The following CMTM4 variants were observed in gnomAD, a reference collection of about 807,000 sequenced individuals.
CMTM4 encodes the protein CKLF-like MARVEL transmembrane domain-containing protein 4.
In CMTM4, 8 loss-of-function variants were observed where a neutral mutation model predicts 19.0. That is an observed-to-expected ratio of 0.42 (90% CI 0.25 to 0.76). CMTM4 has a LOEUF of 0.76. CMTM4 is among the 30% of genes least tolerant of loss of function. The probability of loss-of-function intolerance (pLI) is 0.27; values close to 1 mark genes in which losing one functional copy is unlikely to be tolerated. For synonymous variants in CMTM4, 106 were observed against 121.1 expected (o/e 0.88, Z 0.82); for missense variants, 228 against 290.2 (o/e 0.79, Z 1.56).
the CMTM4 span, among the ~76,000 whole-genome samples, chr16:66,599,401 T>C: frequency 6.6e-6 from 1 of 151,944 alleles, no homozygotes; most frequent in African/African-American, 2.4e-5. Context: ...TTTCTCAACA[T>C]AAGCTCCACC....
At chr16:66,661,368 G>A (rs2016496190) in intron 1 of CMTM4, among the ~76,000 whole-genome samples, 1 of 152,170 alleles carries the variant, frequency 6.6e-6, no homozygotes, top group South Asian at 2.1e-4. Context: ...AGTGAAAACA[G>A]ACCTGGTGAT....
rs539315726 is a variant in CMTM4, at chr16:66,688,146, C to A, written c.186+8194G>T. On this transcript the variant is annotated intron_variant, in intron 1 of 3. Coordinates refer to ENST00000394106, the MANE Select transcript of CMTM4 (RefSeq NM_181521.3). Reference sequence around the variant, plus strand: ...ACATGGCAGAATGAGCAAGGACACTCCCTTCAAACTCTTTTAAAAGGGCAC... The same window carrying A: ...ACATGGCAGAATGAGCAAGGACACTACCTTCAAACTCTTTTAAAAGGGCAC... Among the ~76,000 whole-genome samples the A allele has an allele frequency of 2.0e-5, 3 of 152,180 alleles. No individual in the cohort carries two copies. In the East Asian group the frequency reaches 5.8e-4, roughly 29 times the overall value.
At chr16:66,672,152 C>T (rs938651329) in intron 1 of CMTM4, among the ~76,000 whole-genome samples, 5 of 152,006 alleles carry the variant, frequency 3.3e-5, no homozygotes, top group African/African-American at 4.8e-5. Flanking sequence ...TGCCTCATGC[C>T]TGAAATCCCA....
intron 2 of CMTM4, among the ~76,000 whole-genome samples, chr16:66,635,471 G>A (rs2015973324): frequency 6.6e-6 from 1 of 152,202 alleles, no homozygotes; most frequent in East Asian, 1.9e-4. Flanking sequence ...ACAGGGAGGT[G>A]GCAGCTCCAG....
intron 1 of CMTM4, among the ~76,000 whole-genome samples, chr16:66,650,381 G>A (rs747392998): frequency 1.3e-5 from 2 of 152,142 alleles, no homozygotes; most frequent in African/African-American, 4.8e-5. Context: ...GCAAACCATC[G>A]TTCGGGTTTA....
Position 66,617,821 on chromosome 16 carries a change from G to A in CMTM4, c.*4237C>T, listed in dbSNP as rs575616540. 3 of 993,222 alleles carry A rather than the reference G, an allele frequency of 3.0e-6. No individual in the cohort carries two copies. The Admixed American group carries it at 1.8e-4, about 58-fold the overall frequency. 61.5% of individuals were successfully genotyped at this position (993,222 alleles called of 1,614,324 possible). ...CACATGTTCCTGAGCCAGATGCCAG[G>A]AGCTCACCCACAGGACGGGAAAGAC... On this transcript the variant is annotated 3_prime_UTR_variant, in exon 4 of 4. Coordinates refer to ENST00000394106, the MANE Select transcript of CMTM4 (RefSeq NM_181521.3).
At chr16:66,681,412 G>A (rs546699182) in intron 1 of CMTM4, among the ~76,000 whole-genome samples, 35 of 151,898 alleles carry the variant, frequency 2.3e-4, no homozygotes, top group African/African-American at 8.5e-4. Flanking sequence ...CACCTCCCGG[G>A]TTCATGCCAT....
downstream of CMTM4, among the ~76,000 whole-genome samples, chr16:66,611,942 T>C (rs1269647982): frequency 6.6e-6 from 1 of 151,792 alleles, no homozygotes; most frequent in East Asian, 1.9e-4. Flanking sequence ...CCTCACCTTG[T>C]CCTGCTGAAC....
At chr16:66,686,546 C>A (rs1349199285) in intron 1 of CMTM4, among the ~76,000 whole-genome samples, 1,413 of 86,198 alleles carry the variant, frequency 0.016, no homozygotes, top group African/African-American at 0.02. Flanking sequence ...GACTCTGTCT[C>A]AAAAAAAAAA....
the CMTM4 span, among the ~76,000 whole-genome samples, chr16:66,607,988 G>A: frequency 6.6e-6 from 1 of 152,126 alleles, no homozygotes; most frequent in African/African-American, 2.4e-5. Context: ...TGGGATTTCA[G>A]GCACACACCA....
chr16:66,685,795 C>T (rs2017019996), intron 1 of CMTM4, among the ~76,000 whole-genome samples: 1 of 152,148 alleles, frequency 6.6e-6, no homozygotes, highest in Admixed American at 6.5e-5. Context: ...AGGCATAGGC[C>T]ACCACACCCG....
chr16:66,640,557 C>CAG (rs1450068219), intron 1 of CMTM4, among the ~76,000 whole-genome samples: 1 of 152,126 alleles, frequency 6.6e-6, no homozygotes, highest in Admixed American at 6.5e-5. Flanking sequence ...ATGGAAGCAC[C>CAG]AGAGAGTGGC....
intron 1 of CMTM4, among the ~76,000 whole-genome samples, chr16:66,692,503 T>A (rs1423085542): frequency 1.3e-5 from 2 of 152,250 alleles, no homozygotes; most frequent in African/African-American, 4.8e-5. Context: ...GTAAGGCCAC[T>A]GATTCTGCAT....
chr16:66,687,724 G>A (rs1012808173), intron 1 of CMTM4, among the ~76,000 whole-genome samples: 7 of 126,566 alleles, frequency 5.5e-5, no homozygotes, highest in Non-Finnish European at 9.3e-5. Flanking sequence ...GTCTCGCTCT[G>A]TCGCCCAGGC....
chr16:66,688,327 C>T (rs1009910069), intron 1 of CMTM4, among the ~76,000 whole-genome samples: 1 of 152,118 alleles, frequency 6.6e-6, no homozygotes, highest in African/African-American at 2.4e-5. Context: ...GCTTTGATGA[C>T]GTGGTGTCTT....
chr16:66,618,706 C>T lies in CMTM4; in HGVS notation c.*3352G>A, dbSNP rs1345419798. 5.1e-6 allele frequency: 5 copies of T among 985,398 alleles called. No homozygotes were observed. The East Asian group carries it at 4.5e-4, about 89-fold the overall frequency. The allele number at this position is 985,398 out of a possible 1,614,324, so 61.0% of individuals were successfully genotyped here. The stretch of plus-strand genomic sequence containing the variant: ...ACCCAAGGCTGACTCACTAGGACAG[C>T]TTCCAAGAACCACAGATGTAACTGC... On this transcript the variant is annotated 3_prime_UTR_variant, in exon 4 of 4. Transcript: ENST00000394106.
At chr16:66,612,904 T>A (rs2015436420), downstream of CMTM4, 2 of 621,434 alleles carry the variant, frequency 3.2e-6, no homozygotes, top group Admixed American at 5.3e-5. The surrounding 1 kb of genome is among the most constrained non-coding windows in gnomAD (Gnocchi z 6.0). Flanking sequence ...CCTTCAGCCC[T>A]TTAACGTCTC....
chr16:66,601,180 T>G, the CMTM4 span, among the ~76,000 whole-genome samples: 1 of 151,606 alleles, frequency 6.6e-6, no homozygotes, highest in Non-Finnish European at 1.5e-5. Flanking sequence ...ATCTTTGGGG[T>G]GTTAATTTTC....
In CMTM4 at chr16:66,696,568, C is replaced by A. The variant is rs916020582; in HGVS notation, c.-43G>T. 3.0e-5 allele frequency: 34 copies of A among 1,132,806 alleles called. No homozygotes were observed. Among genetic ancestry groups the A allele is most frequent in the African/African-American group, 1.7e-4 (10 of 60,506 alleles). 70.2% of individuals were successfully genotyped at this position (1,132,806 alleles called of 1,614,324 possible). A position where few individuals can be genotyped will look rare whatever the true frequency, so the allele number is the denominator to read the frequency against. ...GCCGCCTCGCGCGGCTGGCTCCCGG[C>A]GCCAGGAGCGGGCGGACTCAGCGGG... On this transcript the variant is annotated 5_prime_UTR_variant, in exon 1 of 4. Coordinates refer to ENST00000394106, the MANE Select transcript of CMTM4 (RefSeq NM_181521.3). This position sits in a 1 kb window ranked among gnomAD's most constrained non-coding sequence, Gnocchi z 4.3.
Sources: allele counts gnomAD v4.1 joint callset (sites outside exome capture counted in the v4.1 genomes callset), GRCh38; gene constraint gnomAD v4.1.1; non-coding constraint Gnocchi (gnomAD v3.1); transcripts MANE v1.5; gene names NCBI Gene and HGNC (gene_info 2026-07-23, HGNC 2026-07-21).